SYNPR: variants seen among roughly 807,000 people sequenced by gnomAD.
SYNPR encodes synaptoporin.
SYNPR carries 23 observed loss-of-function variants against 32.9 expected under a neutral mutation model. That is an observed-to-expected ratio of 0.70 (90% CI 0.50 to 0.99). The LOEUF is 0.99. SYNPR is among the 50% of genes least tolerant of loss of function. The pLI is 0.00. For missense variants in SYNPR, 318 were observed against 349.3 expected, an observed-to-expected ratio of 0.91 and a Z score of 0.71; for synonymous variants, 146 against 135.9, an observed-to-expected ratio of 1.07 and a Z score of -0.52.
At chr3:63,363,783 A>G (rs1428470358) in intron 2 of SYNPR, among the ~76,000 whole-genome samples, 4 of 152,086 alleles carry the variant, frequency 2.6e-5, no homozygotes, top group Non-Finnish European at 5.9e-5. Flanking sequence ...TAAGAACACA[A>G]CCCTAGAATG....
At chr3:63,468,946 CTT>C (rs1700742035) in intron 2 of SYNPR, among the ~76,000 whole-genome samples, 1 of 151,982 alleles carries the variant, frequency 6.6e-6, no homozygotes, top group South Asian at 2.1e-4. Flanking sequence ...CTTAATGACT[CTT>C]ATTGTCTAGT....
chr3:63,478,693 C>T (rs1287737253), intron 2 of SYNPR, among the ~76,000 whole-genome samples: 1 of 152,132 alleles, frequency 6.6e-6, no homozygotes, highest in East Asian at 1.9e-4. Flanking sequence ...ATACATATTC[C>T]GTCTCACTTA....
intron 2 of SYNPR, among the ~76,000 whole-genome samples, chr3:63,296,202 T>A (rs1273845259): frequency 1.3e-5 from 2 of 152,226 alleles, no homozygotes; most frequent in East Asian, 3.8e-4. Flanking sequence ...ACAAGCCCAG[T>A]GCTTCCAGAT....
intron 2 of SYNPR, among the ~76,000 whole-genome samples, chr3:63,333,890 G>GA (rs2087256627): frequency 6.6e-6 from 1 of 152,042 alleles, no homozygotes; most frequent in Non-Finnish European, 1.5e-5. Context: ...CAATGCAAAG[G>GA]AAAATATATT....
chr3:63,519,807 G>A (rs1701871714), intron 3 of SYNPR, among the ~76,000 whole-genome samples: 1 of 152,074 alleles, frequency 6.6e-6, no homozygotes, highest in Non-Finnish European at 1.5e-5. Context: ...GCTCTTTAAT[G>A]GCACCTTTAT....
At chr3:63,489,140 G>C (rs2106712281) in intron 3 of SYNPR, among the ~76,000 whole-genome samples, 1 of 152,242 alleles carries the variant, frequency 6.6e-6, no homozygotes, top group East Asian at 1.9e-4. Flanking sequence ...ATGAGACAGG[G>C]AAGGGAAGAA....
intron 3 of SYNPR, among the ~76,000 whole-genome samples, chr3:63,539,998 C>T (rs183501287): frequency 1.6e-4 from 24 of 152,096 alleles, no homozygotes; most frequent in African/African-American, 5.5e-4. Flanking sequence ...AGAGGAAGGC[C>T]CTCAAACAGA....
intron 2 of SYNPR, among the ~76,000 whole-genome samples, chr3:63,359,828 C>G (rs1418786515): frequency 6.6e-6 from 1 of 152,148 alleles, no homozygotes; most frequent in Non-Finnish European, 1.5e-5. Flanking sequence ...TAATAACATT[C>G]ATTAGTGTCT....
chr3:63,476,058 A>G (rs1700896298), intron 2 of SYNPR, among the ~76,000 whole-genome samples: 2 of 145,710 alleles, frequency 1.4e-5, no homozygotes, highest in Admixed American at 6.8e-5. Context: ...AGAAGGAGAG[A>G]GAGAGGAAGG....
chr3:63,219,811 G>A, the SYNPR span, among the ~76,000 whole-genome samples: 3 of 152,188 alleles, frequency 2.0e-5, no homozygotes, highest in African/African-American at 4.8e-5. Context: ...AGGAAGGGCA[G>A]GCGTTTGTCT....
At chr3:63,510,785 C>T (rs1378056161) in intron 3 of SYNPR, among the ~76,000 whole-genome samples, 2 of 151,996 alleles carry the variant, frequency 1.3e-5, no homozygotes, top group African/African-American at 4.8e-5. Context: ...CATTTAAATA[C>T]CTCCCAGTCT....
intron 2 of SYNPR, among the ~76,000 whole-genome samples, chr3:63,477,686 T>A (rs1189505346): frequency 6.6e-6 from 1 of 152,114 alleles, no homozygotes; most frequent in Admixed American, 6.5e-5. Context: ...GCAGCTTAAC[T>A]CTATTTCTGG....
intron 3 of SYNPR, among the ~76,000 whole-genome samples, chr3:63,488,235 T>A (rs547507124): frequency 2.7e-4 from 41 of 152,358 alleles, no homozygotes; most frequent in African/African-American, 9.4e-4. Flanking sequence ...GCACTTGCAA[T>A]TACATTTAAG....
chr3:63,380,692 AG>A (rs1390097139), intron 2 of SYNPR, among the ~76,000 whole-genome samples: 6 of 152,186 alleles, frequency 3.9e-5, no homozygotes, highest in Admixed American at 2.6e-4. Context: ...CACATCAAAA[AG>A]CTTATCCACC....
intron 2 of SYNPR, among the ~76,000 whole-genome samples, chr3:63,435,761 T>C (rs9879445): frequency 0.016 from 2,375 of 152,354 alleles, 55 homozygotes; most frequent in African/African-American, 0.046. Context: ...ACAAATTTCA[T>C]CAAAATATTT....
chr3:63,375,924 T>C (rs1445806035), intron 2 of SYNPR, among the ~76,000 whole-genome samples: 1 of 152,162 alleles, frequency 6.6e-6, no homozygotes, highest in Non-Finnish European at 1.5e-5. Flanking sequence ...GAAGAAAGTA[T>C]TGCTTTCCAC....
intron 5 of SYNPR, among the ~76,000 whole-genome samples, chr3:63,614,208 A>G (rs1435271087): frequency 1.3e-5 from 2 of 152,230 alleles, no homozygotes; most frequent in African/African-American, 4.8e-5. Context: ...CTTTAATGTT[A>G]TCACAGCTTT....
At chr3:63,364,391 A>G (rs562445247) in intron 2 of SYNPR, among the ~76,000 whole-genome samples, 1 of 152,324 alleles carries the variant, frequency 6.6e-6, no homozygotes, top group South Asian at 2.1e-4. Context: ...TGTAGGACAA[A>G]TACTCAAATA....
intron 3 of SYNPR, among the ~76,000 whole-genome samples, chr3:63,489,285 C>T (rs1014793897): frequency 6.6e-6 from 1 of 152,140 alleles, no homozygotes; most frequent in African/African-American, 2.4e-5. Context: ...TAATTATACC[C>T]CCAATCCAAT....
Sources: allele counts gnomAD v4.1 joint callset (sites outside exome capture counted in the v4.1 genomes callset), GRCh38; gene constraint gnomAD v4.1.1; transcripts MANE v1.5; gene names NCBI Gene and HGNC (gene_info 2026-07-23, HGNC 2026-07-21).